The following MASP2 variants were observed in gnomAD, a reference collection of about 807,000 sequenced individuals.
MASP2 encodes mannan-binding lectin serine protease 2.
In MASP2, 49 loss-of-function variants were observed where a neutral mutation model predicts 57.1. The ratio of observed to expected loss-of-function variants is 0.86; its 90% CI spans 0.68 to 1.09. The LOEUF is 1.09. Among genes scored for constraint, MASP2 ranks in the 50% least tolerant of loss-of-function variants. The probability of loss-of-function intolerance (pLI) is 0.00; values close to 1 mark genes in which losing one functional copy is unlikely to be tolerated. For synonymous variants in MASP2, 379 were observed against 340.8 expected (o/e 1.11, Z -1.24); for missense variants, 900 against 874.8 (o/e 1.03, Z -0.36).
In MASP2 at chr1:11,046,517, T is replaced by C. The variant is rs368493899; in HGVS notation, c.412+39A>G. The C allele has an allele frequency of 3.7e-5, 59 of 1,610,396 alleles. No homozygotes were observed. The African/African-American group carries it at 5.5e-4, about 15-fold the overall frequency. On this transcript the variant is annotated intron_variant, in intron 3 of 10. Transcript: ENST00000400897. Reference sequence around the variant, plus strand: ...AGACAGAGTTACCCCCACAGCCAGCTGCGCAGACTGAGATGTTGCAGGACC... The same window carrying C: ...AGACAGAGTTACCCCCACAGCCAGCCGCGCAGACTGAGATGTTGCAGGACC...
intron 2 of MASP2, 78 bp from the exon 3 acceptor site, chr1:11,046,811 C>T: frequency 6.4e-7 from 1 of 1,551,508 alleles, no homozygotes; most frequent in Non-Finnish European, 8.7e-7. Context: ...GGCCCCTGCT[C>T]CCAGGTGTCC....
intron 6 of MASP2, among the ~76,000 whole-genome samples, chr1:11,041,404 G>GTGGATGGATGGATGGATGGA (rs77143957): frequency 1.2e-4 from 15 of 120,854 alleles, no homozygotes; most frequent in South Asian, 3.0e-4. Flanking sequence ...GGATGGATGA[G>GTGGATGGATGGATGGATGGA]TGGATGGATG....
At position 11,026,700 on chromosome 1, in the gene MASP2, G is replaced by C. The variant is rs1643738320; in HGVS notation, c.*185C>G. ...GTGGTTTATGTCCCCTTGAGTCAAT[G>C]GGTAAGGCTGGAATTAAACTGGCAA... On this transcript the variant is annotated 3_prime_UTR_variant, in exon 11 of 11. Transcript: ENST00000400897. 2.2e-6 allele frequency: 1 copy of C among 446,112 alleles called. No individual in the cohort carries two copies. Among genetic ancestry groups the C allele is most frequent in the Non-Finnish European group, 3.8e-6 (1 of 259,868 alleles). The allele number at this position is 446,112 out of a possible 1,614,324, so 27.6% of individuals were successfully genotyped here.
rs377345760 is a variant in MASP2 at position 11,036,480 on chromosome 1, C to T, written c.1008+1213G>A. Reference sequence around the variant, plus strand: ...GATTGCGCCACTGCAGTCCGCAGTCCGGCCTGGGCGACAGAGCGAGACTCC... The same window carrying T: ...GATTGCGCCACTGCAGTCCGCAGTCTGGCCTGGGCGACAGAGCGAGACTCC... On this transcript the variant is annotated intron_variant, in intron 7 of 10. Transcript: ENST00000400897. Among the ~76,000 whole-genome samples the T allele has an allele frequency of 8.0e-3, 1,053 of 130,852 alleles. 20 individuals are homozygous for T. The highest frequency in any genetic ancestry group is 0.028 in the African/African-American group (955 of 34,304). The allele number at this position is 130,852 out of a possible 152,430, so 85.8% of individuals were successfully genotyped here. A position where few individuals can be genotyped will look rare whatever the true frequency, so the allele number is the denominator to read the frequency against.
chr1:11,041,183 G>A (rs937358692), intron 6 of MASP2, among the ~76,000 whole-genome samples: 1 of 148,578 alleles, frequency 6.7e-6, no homozygotes, highest in Non-Finnish European at 1.5e-5. Flanking sequence ...GAATTGGATG[G>A]ATGGATGGAA....
In MASP2 at chr1:11,027,296, A is replaced by T. The variant is rs1282890386; in HGVS notation, c.1650T>A (p.Pro550=). ...NKVVINSNIT[P]ICLPRKEAES... Reference sequence around the variant, plus strand: ...CAGCTTCTTTTCTTGGCAGACAAATAGGCGTGATGTTGCTATTGATTACAA... The same window carrying T: ...CAGCTTCTTTTCTTGGCAGACAAATTGGCGTGATGTTGCTATTGATTACAA... Residue 550 remains proline, a synonymous_variant, in exon 11 of 11, where the codon CCT becomes CCA. Coordinates refer to ENST00000400897, the MANE Select transcript of MASP2 (RefSeq NM_006610.4). 1 of 1,613,820 alleles carries T rather than the reference A, an allele frequency of 6.2e-7. No homozygotes were observed. Among genetic ancestry groups the T allele is most frequent in the African/African-American group, 1.3e-5 (1 of 74,920 alleles).
chr1:11,038,876 C>G (rs576555149), intron 6 of MASP2, among the ~76,000 whole-genome samples: 1 of 124,416 alleles, frequency 8.0e-6, no homozygotes, highest in African/African-American at 3.0e-5. Flanking sequence ...TGTGTAGATC[C>G]TGGCTGCAAA....
Position 11,028,217 on chromosome 1 carries a change from C to CAG in MASP2, c.1298-570_1298-569insCT, listed in dbSNP as rs572388127. Among the ~76,000 whole-genome samples, 1,170 of 145,184 alleles carry CAG rather than the reference C, an allele frequency of 8.1e-3. 21 individuals carry two copies. Among genetic ancestry groups the CAG allele is most frequent in the African/African-American group, 0.027 (1,070 of 39,582 alleles). ...GCCTGGTAAGAGCAAAACTCCATCTCAAAAAAAAAAGGAGATTAGGAAAAT... is the reference window on the plus strand; with the variant it reads ...GCCTGGTAAGAGCAAAACTCCATCTCAGAAAAAAAAAAGGAGATTAGGAAAAT... On this transcript the variant is annotated intron_variant, in intron 10 of 10. Coordinates refer to ENST00000400897, the MANE Select transcript of MASP2 (RefSeq NM_006610.4).
At chr1:11,046,071 G>A (rs926346580) in intron 3 of MASP2, 2 of 228,716 alleles carry the variant, frequency 8.7e-6, no homozygotes, top group East Asian at 2.3e-4. Flanking sequence ...GGAGTGTAGT[G>A]GTGCAATCTC....
At chr1:11,037,442 C>T (rs931512259) in intron 7 of MASP2, among the ~76,000 whole-genome samples, 1 of 150,514 alleles carries the variant, frequency 6.6e-6, no homozygotes, top group Non-Finnish European at 1.5e-5. Flanking sequence ...ACAAAGGGCT[C>T]GCTTATGTAA....
intron 6 of MASP2, among the ~76,000 whole-genome samples, chr1:11,039,326 G>A (rs1263301663): frequency 1.3e-5 from 2 of 150,240 alleles, no homozygotes; most frequent in Non-Finnish European, 2.9e-5. Flanking sequence ...TGGATGGAAG[G>A]ATGGTGGATG....
intron 4 of MASP2, chr1:11,044,877 G>A: frequency 3.2e-6 from 5 of 1,578,720 alleles, no homozygotes; most frequent in Non-Finnish European, 4.3e-6. Context: ...CCAACCCGGA[G>A]CTGAGGCCAG....
chr1:11,034,108 T>C (rs892340977), intron 8 of MASP2, among the ~76,000 whole-genome samples: 3 of 151,552 alleles, frequency 2.0e-5, no homozygotes, highest in Non-Finnish European at 4.4e-5. Flanking sequence ...TGTAGTGACA[T>C]GTGCTGGTAG....
rs1638289277 is a variant in MASP2, at chr1:11,037,687, A to G, written c.1008+6T>C. 6.3e-7 allele frequency: 1 copy of G among 1,580,986 alleles called. No homozygotes were observed. Among genetic ancestry groups the G allele is most frequent in the Non-Finnish European group, 8.6e-7 (1 of 1,157,666 alleles). On this transcript the variant is annotated splice_donor_region_variant and intron_variant, in intron 7 of 10. Coordinates refer to ENST00000400897, the MANE Select transcript of MASP2 (RefSeq NM_006610.4). ...ATTGATCGTGGTGTACTTTGTTTTA[A>G]CTCACTTGCAGAAGCTCATAGCCAG...
rs565317971 is a variant in MASP2, at chr1:11,046,610, C to T, written c.358G>A (p.Asp120Asn). The T allele has an allele frequency of 6.8e-6, 11 of 1,613,774 alleles. No homozygotes were observed. The highest frequency in any genetic ancestry group is 2.2e-5 in the East Asian group (1 of 44,880). ...GTGAACGGCTTCTCGTTGGAGTAGTCGGAGCGGAAGGTAATGTCCAGGCTG... is the reference window on the plus strand; with the variant it reads ...GTGAACGGCTTCTCGTTGGAGTAGTTGGAGCGGAAGGTAATGTCCAGGCTG... ...GSSLDITFRSDYSNEKPFTGF... is the reference protein window; with the variant it reads ...GSSLDITFRSNYSNEKPFTGF... The change falls in exon 3 of 11, where the codon GAC becomes AAC. Residue 120 changes from aspartate to asparagine, a missense_variant. By Grantham distance (23) the Asp-to-Asn change is conservative. Transcript: ENST00000400897.
intron 10 of MASP2, among the ~76,000 whole-genome samples, chr1:11,028,704 TTC>T (rs375730089): frequency 0.15 from 1,414 of 9,250 alleles, 53 homozygotes; most frequent in African/African-American, 0.37. Context: ...TGGGTTTTTT[TTC>T]TTTTTTTTTT....
chr1:11,043,733 T>C (rs1570755000), intron 4 of MASP2, among the ~76,000 whole-genome samples, 198 bp from the exon 5 acceptor site: 1 of 152,100 alleles, frequency 6.6e-6, no homozygotes, highest in East Asian at 1.9e-4. Flanking sequence ...ACCCGATGGC[T>C]GAGGGGCCGC....
intron 3 of MASP2, 35 bp from the exon 4 acceptor site, chr1:11,045,574 A>C (rs753932702): frequency 6.3e-7 from 1 of 1,581,352 alleles, no homozygotes; most frequent in Non-Finnish European, 8.6e-7. Context: ...GGCCGTCAGG[A>C]GGGAAAGAGG....
intron 6 of MASP2, among the ~76,000 whole-genome samples, chr1:11,038,649 C>T (rs1638324982): frequency 6.6e-6 from 1 of 152,214 alleles, no homozygotes; most frequent in South Asian, 2.1e-4. Context: ...ACCTGGGTGC[C>T]CCTGACCCAG....
Sources: allele counts gnomAD v4.1 joint callset (sites outside exome capture counted in the v4.1 genomes callset), GRCh38; gene constraint gnomAD v4.1.1; transcripts MANE v1.5; gene names NCBI Gene and HGNC (gene_info 2026-07-23, HGNC 2026-07-21).